Variants in CUX1 observed in about 807,000 individuals in gnomAD.
CUX1 encodes protein CASP.
A neutral mutation model predicts 158.8 loss-of-function variants in CUX1; 31 were observed. That is an observed-to-expected ratio of 0.20 (90% confidence interval 0.15 to 0.26). CUX1 has a LOEUF of 0.26. CUX1 is among the 10% of genes least tolerant of loss of function. The pLI, the probability that CUX1 is intolerant of heterozygous loss-of-function variation, is 1.00. For missense variants in CUX1, 1,589 were observed against 2,014.6 expected, an observed-to-expected ratio of 0.79 and a Z score of 4.04; for synonymous variants, 879 against 862.1, an observed-to-expected ratio of 1.02 and a Z score of -0.34.
intron 2 of CUX1, among the ~76,000 whole-genome samples, chr7:101,946,696 T>C (rs989062694): frequency 6.6e-6 from 1 of 152,124 alleles, no homozygotes; most frequent in Non-Finnish European, 1.5e-5. Context: ...GATCACTCAC[T>C]GCTAAGCCTT....
intron 17 of CUX1, 60 bp downstream of exon 17, chr7:102,200,232 T>A: frequency 7.2e-7 from 1 of 1,386,558 alleles, no homozygotes; most frequent in Non-Finnish European, 1.0e-6. Context: ...TTGTCATGAG[T>A]GCTCTGGTCA....
intron 2 of CUX1, among the ~76,000 whole-genome samples, chr7:102,016,520 G>GATACTCCAAAAAATAAT (rs1818609281): frequency 6.6e-6 from 1 of 152,124 alleles, no homozygotes; most frequent in Non-Finnish European, 1.5e-5. Context: ...AAAAAATAAT[G>GATACTCCAAAAAATAAT]GTACTCCAAA....
intron 3 of CUX1, among the ~76,000 whole-genome samples, chr7:102,065,594 C>G (rs1825457496): frequency 6.6e-6 from 1 of 152,186 alleles, no homozygotes; most frequent in South Asian, 2.1e-4. Context: ...CATTTGCATA[C>G]TGAATTCATT....
At chr7:102,166,993 C>T (rs1052430404) in intron 9 of CUX1, among the ~76,000 whole-genome samples, 23 of 152,092 alleles carry the variant, frequency 1.5e-4, no homozygotes, top group African/African-American at 5.1e-4. Flanking sequence ...TCAGGCCGGG[C>T]GCGGTGGCTC....
intron 20 of CUX1, among the ~76,000 whole-genome samples, chr7:102,215,445 A>C (rs1295386429): frequency 6.6e-6 from 1 of 152,158 alleles, no homozygotes; most frequent in Non-Finnish European, 1.5e-5. Context: ...CCACTGCCTG[A>C]TTAATATGCA....
chr7:102,131,645 GTTATTT>G (rs1554497182), intron 8 of CUX1, among the ~76,000 whole-genome samples: 12 of 151,114 alleles, frequency 7.9e-5, no homozygotes, highest in Non-Finnish European at 1.8e-4. Flanking sequence ...AATCTATTTA[GTTATTT>G]TTATTTATTT....
intron 1 of CUX1, among the ~76,000 whole-genome samples, chr7:101,834,205 C>A (rs1396660651): frequency 7.3e-6 from 1 of 137,102 alleles, no homozygotes; most frequent in Non-Finnish European, 1.5e-5. Flanking sequence ...ATGGAGTCTC[C>A]CTCTGTTGCC....
chr7:102,063,000 G>T (rs938267196), intron 3 of CUX1, among the ~76,000 whole-genome samples: 1 of 152,124 alleles, frequency 6.6e-6, no homozygotes, highest in Non-Finnish European at 1.5e-5. Flanking sequence ...AGCTACTCGG[G>T]AAGCTGATAC....
intron 20 of CUX1, among the ~76,000 whole-genome samples, chr7:102,209,676 A>G (rs782790419): frequency 1.6e-4 from 24 of 152,192 alleles, no homozygotes; most frequent in Non-Finnish European, 3.2e-4. Context: ...CTTCATTTCA[A>G]GATGGAGTTG....
chr7:102,109,031 G>A (rs2051962), intron 6 of CUX1, among the ~76,000 whole-genome samples: 12,693 of 152,006 alleles, frequency 0.084, 715 homozygotes, highest in African/African-American at 0.15. Flanking sequence ...TGGGATTACA[G>A]GCGTCATTCT....
rs1167382263 is a variant in CUX1 at position 101,919,726 on chromosome 7, G to T, written c.141+3501G>T. 5.3e-5 allele frequency among the ~76,000 whole-genome samples: 8 copies of T among 152,348 alleles called. No individual in the cohort carries two copies. In the South Asian group the frequency reaches 8.3e-4, roughly 16 times the overall value. On this transcript the variant is annotated intron_variant, in intron 2 of 23. Coordinates refer to ENST00000292535, the MANE Select transcript of CUX1 (RefSeq NM_181552.4). Reference sequence around the variant, plus strand: ...TAGGCACCCGCGAGGGTTCAGTGGGGAGTAAAGTTTGTCTGCCATCGGAGA... The same window carrying T: ...TAGGCACCCGCGAGGGTTCAGTGGGTAGTAAAGTTTGTCTGCCATCGGAGA...
At chr7:101,930,451 C>T (rs1424152185) in intron 2 of CUX1, among the ~76,000 whole-genome samples, 1 of 152,184 alleles carries the variant, frequency 6.6e-6, no homozygotes, top group Non-Finnish European at 1.5e-5. Context: ...CATGCTAACT[C>T]TGATACTTGC....
At chr7:101,930,669 G>A (rs1487731345) in intron 2 of CUX1, among the ~76,000 whole-genome samples, 1 of 152,180 alleles carries the variant, frequency 6.6e-6, no homozygotes, top group Non-Finnish European at 1.5e-5. Context: ...TTAAGAAGAT[G>A]TTGTGTTATA....
chr7:101,971,345 A>G (rs1811929694), intron 2 of CUX1, among the ~76,000 whole-genome samples: 1 of 152,186 alleles, frequency 6.6e-6, no homozygotes, highest in South Asian at 2.1e-4. Context: ...GTGGGAACGA[A>G]GAGGAAAGAA....
chr7:102,273,466 T>C (rs781887309), exon 15 of CUX1: 24 of 1,612,930 alleles, frequency 1.5e-5, no homozygotes, highest in Non-Finnish European at 2.0e-5. Context: ...TGAGCATCAT[T>C]CAGTCCATCC....
At chr7:101,837,259 A>C (rs1438128712) in intron 1 of CUX1, among the ~76,000 whole-genome samples, 4 of 152,228 alleles carry the variant, frequency 2.6e-5, no homozygotes, top group Non-Finnish European at 4.4e-5. Flanking sequence ...AATACGTTAG[A>C]TCCCACCAAT....
intron 4 of CUX1, among the ~76,000 whole-genome samples, chr7:102,095,597 G>A (rs1303466087): frequency 3.3e-5 from 5 of 152,096 alleles, no homozygotes; most frequent in African/African-American, 4.8e-5. Flanking sequence ...TACGTTAACC[G>A]AGGCATGGTA....
intron 18 of CUX1, among the ~76,000 whole-genome samples, chr7:102,278,649 T>TAAAAA (rs1281870406): frequency 1.0e-5 from 1 of 98,470 alleles, no homozygotes; most frequent in African/African-American, 3.8e-5. Context: ...TAAAATAAAA[T>TAAAAA]AAAATAAAAA....
chr7:101,835,852 C>G (rs1205912267), intron 1 of CUX1, among the ~76,000 whole-genome samples: 2 of 152,204 alleles, frequency 1.3e-5, no homozygotes, highest in Non-Finnish European at 1.5e-5. Context: ...TCTCCTGCCT[C>G]AGCCTCCTGA....
Sources: allele counts gnomAD v4.1 joint callset (sites outside exome capture counted in the v4.1 genomes callset), GRCh38; gene constraint gnomAD v4.1.1; transcripts MANE v1.5; gene names NCBI Gene and HGNC (gene_info 2026-07-23, HGNC 2026-07-21).